The following TPD52 variants were observed in gnomAD, a reference collection of about 807,000 sequenced individuals.
TPD52 encodes the protein prostate and colon associated protein.
In TPD52, 17 loss-of-function variants were observed where a neutral mutation model predicts 31.3. That is an observed-to-expected ratio of 0.54 (90% confidence interval 0.37 to 0.82). The LOEUF (loss-of-function observed/expected upper bound fraction) is 0.82. Among genes scored for constraint, TPD52 ranks in the 40% least tolerant of loss-of-function variants. The probability of loss-of-function intolerance (pLI) is 0.00; values close to 1 mark genes in which losing one functional copy is unlikely to be tolerated. For missense variants in TPD52, 212 were observed against 240.1 expected (o/e 0.88, Z 0.77); for synonymous variants, 83 against 89.6 (o/e 0.93, Z 0.42).
At chr8:80,154,749 AC>A (rs1263200717) in intron 1 of TPD52, among the ~76,000 whole-genome samples, 3,320 of 103,934 alleles carry the variant, frequency 0.032, 124 homozygotes, top group African/African-American at 0.099. Flanking sequence ...ACACACACAC[AC>A]ACAAAACACC....
At chr8:80,051,002 G>GA (rs201164661) in intron 4 of TPD52, among the ~76,000 whole-genome samples, 7,966 of 119,296 alleles carry the variant, frequency 0.067, 693 homozygotes, top group African/African-American at 0.21. Context: ...TAATCTAAAT[G>GA]AAAAAAAAAA....
chr8:80,129,888 C>T (rs890810963), intron 1 of TPD52, among the ~76,000 whole-genome samples: 5 of 151,982 alleles, frequency 3.3e-5, no homozygotes, highest in Admixed American at 6.6e-5. Flanking sequence ...TTAGTAGAGA[C>T]GGGGTTTCAC....
chr8:80,159,276 C>A (rs1811198660), intron 1 of TPD52, among the ~76,000 whole-genome samples: 1 of 152,124 alleles, frequency 6.6e-6, no homozygotes, highest in African/African-American at 2.4e-5. Flanking sequence ...AATTTTGAAC[C>A]TCGATATGAC....
chr8:80,120,295 C>T (rs1181831880), intron 1 of TPD52, among the ~76,000 whole-genome samples: 4 of 152,086 alleles, frequency 2.6e-5, no homozygotes, highest in Non-Finnish European at 5.9e-5. Flanking sequence ...TTCAGACCAG[C>T]CTAGCCAACA....
At chr8:80,115,515 A>G (rs1807805372) in intron 1 of TPD52, among the ~76,000 whole-genome samples, 1 of 152,156 alleles carries the variant, frequency 6.6e-6, no homozygotes, top group African/African-American at 2.4e-5. Context: ...GTAGAATGTC[A>G]CCTAGAGAGA....
chr8:80,170,539 T>C (rs756253432), intron 1 of TPD52, among the ~76,000 whole-genome samples: 25 of 152,190 alleles, frequency 1.6e-4, no homozygotes, highest in Non-Finnish European at 3.5e-4. Flanking sequence ...AAGCAATACA[T>C]GAAAACTTGT....
intron 1 of TPD52, among the ~76,000 whole-genome samples, chr8:80,117,400 T>C (rs963944093): frequency 3.9e-5 from 6 of 152,142 alleles, no homozygotes; most frequent in Admixed American, 6.5e-5. Context: ...TACAACAGCA[T>C]TGAAAAGAAT....
chr8:80,166,477 C>T (rs1811721532), intron 1 of TPD52, among the ~76,000 whole-genome samples: 1 of 151,686 alleles, frequency 6.6e-6, no homozygotes, highest in African/African-American at 2.4e-5. Flanking sequence ...GGTGATCCGC[C>T]CGCCTTGGCC....
Position 80,170,751 on chromosome 8 carries a change from T to C in TPD52, c.19+674A>G, listed in dbSNP as rs914838423. 2.0e-5 allele frequency among the ~76,000 whole-genome samples: 3 copies of C among 152,302 alleles called. No homozygotes were observed. The East Asian group carries it at 5.8e-4, about 29-fold the overall frequency. On this transcript the variant is annotated intron_variant, in intron 1 of 7. Coordinates refer to ENST00000518937, the MANE Select transcript of TPD52 (RefSeq NM_001025253.3). ...GGCCTACTATTGCTCTATTTGGGGG[T>C]AATTTCACTTGAGCTGTTTTCAGAA...
intron 1 of TPD52, among the ~76,000 whole-genome samples, chr8:80,079,536 A>T (rs1814991286): frequency 6.6e-6 from 1 of 152,238 alleles, no homozygotes; most frequent in Non-Finnish European, 1.5e-5. Context: ...CTTAAAATGA[A>T]CAAAATGTGA....
chr8:80,093,320 G>T, intron 1 of TPD52, among the ~76,000 whole-genome samples: 1 of 152,152 alleles, frequency 6.6e-6, no homozygotes, highest in East Asian at 1.9e-4. Flanking sequence ...TTAAAGAGGT[G>T]TCATCCAAGC....
At chr8:80,084,034 T>C (rs146725313) in intron 1 of TPD52, among the ~76,000 whole-genome samples, 103 of 152,350 alleles carry the variant, frequency 6.8e-4, no homozygotes, top group African/African-American at 2.4e-3. Flanking sequence ...ACAGGCCTTC[T>C]AACCTTTCCT....
At chr8:80,073,540 T>G (rs1814173097) in intron 1 of TPD52, among the ~76,000 whole-genome samples, 1 of 152,234 alleles carries the variant, frequency 6.6e-6, no homozygotes, top group Non-Finnish European at 1.5e-5. Context: ...TGGGCAATAC[T>G]TGGCCTTCAT....
intron 1 of TPD52, among the ~76,000 whole-genome samples, chr8:80,147,913 C>T (rs572710729): frequency 1.3e-5 from 2 of 152,096 alleles, no homozygotes; most frequent in East Asian, 1.9e-4. Context: ...GTGAAATCAA[C>T]CATTACTGCC....
chr8:80,077,485 G>A (rs533786351), intron 1 of TPD52, among the ~76,000 whole-genome samples: 83 of 152,122 alleles, frequency 5.5e-4, no homozygotes, highest in African/African-American at 1.9e-3. Context: ...TTATTCCCAC[G>A]GTAAAACACT....
rs143644511 is a variant in TPD52 at position 80,064,312 on chromosome 8, C to A, written c.135+166G>T. 2.5e-3 allele frequency among the ~76,000 whole-genome samples: 385 copies of A among 152,218 alleles called. 1 individual carries two copies. The highest frequency in any genetic ancestry group is 8.7e-3 in the African/African-American group (362 of 41,518). On this transcript the variant is annotated intron_variant, in intron 2 of 7. Transcript: ENST00000518937. Reference sequence around the variant, plus strand: ...CTCATATAAAAACGAACCGATGTCACCCTCTTCTATCTCCTCTCCCCTACT... The same window carrying A: ...CTCATATAAAAACGAACCGATGTCAACCTCTTCTATCTCCTCTCCCCTACT...
chr8:80,163,184 T>C (rs1811475803), intron 1 of TPD52, among the ~76,000 whole-genome samples: 1 of 152,218 alleles, frequency 6.6e-6, no homozygotes, highest in Non-Finnish European at 1.5e-5. Flanking sequence ...TCATGTTCAT[T>C]ACAGCATTAT....
intron 1 of TPD52, among the ~76,000 whole-genome samples, chr8:80,164,058 G>GACAA (rs143306253): frequency 0.28 from 39,062 of 140,174 alleles, 5,872 homozygotes; most frequent in East Asian, 0.48. Context: ...GAGAGAGACA[G>GACAA]ACAGACAGAA....
chr8:80,160,889 C>CAAAAAAA (rs58923055), intron 1 of TPD52, among the ~76,000 whole-genome samples: 81 of 95,032 alleles, frequency 8.5e-4, no homozygotes, highest in Middle Eastern at 6.5e-3. Context: ...ACTAAAAATA[C>CAAAAAAA]AAAAAAAAAA....
Sources: allele counts gnomAD v4.1 joint callset (sites outside exome capture counted in the v4.1 genomes callset), GRCh38; gene constraint gnomAD v4.1.1; transcripts MANE v1.5; gene names NCBI Gene and HGNC (gene_info 2026-07-23, HGNC 2026-07-21).